Variants in PTPRD observed in about 807,000 individuals in gnomAD.
PTPRD encodes protein tyrosine phosphatase receptor type D, also known as receptor-type tyrosine-protein phosphatase delta.
A neutral mutation model predicts 214.5 loss-of-function variants in PTPRD; 34 were observed. The observed-to-expected ratio is 0.16, with a 90% CI of 0.12 to 0.21. The LOEUF is 0.21. PTPRD is among the 10% of genes least tolerant of loss of function. The pLI is 1.00. For synonymous variants in PTPRD, 1,128 were observed against 845.7 expected, an observed-to-expected ratio of 1.33 and a Z score of -5.79; for missense variants, 2,545 against 2,398.7, an observed-to-expected ratio of 1.06 and a Z score of -1.27.
At chr9:8,614,157 A>T (rs1047173239) in intron 14 of PTPRD, among the ~76,000 whole-genome samples, 10 of 152,166 alleles carry the variant, frequency 6.6e-5, no homozygotes, top group Admixed American at 6.6e-4. Flanking sequence ...AGGAGAAGCA[A>T]TGGTATTACA....
chr9:9,966,727 G>T (rs904431009), intron 4 of PTPRD, among the ~76,000 whole-genome samples: 3 of 152,010 alleles, frequency 2.0e-5, no homozygotes, highest in African/African-American at 7.2e-5. Flanking sequence ...ACACTCCTTC[G>T]GTCAGTGTTA....
chr9:8,498,566 A>T (rs930837881), intron 25 of PTPRD, among the ~76,000 whole-genome samples: 2 of 152,210 alleles, frequency 1.3e-5, no homozygotes, highest in African/African-American at 4.8e-5. Flanking sequence ...CTGGTGCCGC[A>T]GTTTTCAACT....
At chr9:9,980,863 C>A (rs1463842867) in intron 4 of PTPRD, among the ~76,000 whole-genome samples, 1 of 64,146 alleles carries the variant, frequency 1.6e-5, no homozygotes, top group African/African-American at 4.7e-5. Context: ...AGCTTGTTTG[C>A]AATAAAAAAT....
intron 11 of PTPRD, among the ~76,000 whole-genome samples, chr9:8,804,132 T>C (rs1305144784): frequency 1.3e-5 from 2 of 152,028 alleles, no homozygotes; most frequent in African/African-American, 4.8e-5. Context: ...TTTGTATTTT[T>C]AGTAGAGACA....
At chr9:9,549,520 C>T (rs951020092) in intron 8 of PTPRD, among the ~76,000 whole-genome samples, 1 of 152,112 alleles carries the variant, frequency 6.6e-6, no homozygotes, top group African/African-American at 2.4e-5. Flanking sequence ...AGACTGATCT[C>T]ATTAACTGCT....
At chr9:8,463,379 C>T (rs2096468504) in intron 32 of PTPRD, among the ~76,000 whole-genome samples, 1 of 135,190 alleles carries the variant, frequency 7.4e-6, no homozygotes, top group Non-Finnish European at 1.6e-5. Context: ...TGGCAAAGAA[C>T]TATATATCTA....
At chr9:9,263,484 C>A (rs1351965264) in intron 9 of PTPRD, among the ~76,000 whole-genome samples, 3 of 151,634 alleles carry the variant, frequency 2.0e-5, no homozygotes, top group African/African-American at 7.3e-5. Context: ...ATATTCCATT[C>A]CTGAATTACA....
intron 8 of PTPRD, among the ~76,000 whole-genome samples, chr9:9,544,060 C>G (rs1320893632): frequency 6.6e-6 from 1 of 151,512 alleles, no homozygotes; most frequent in East Asian, 1.9e-4. Context: ...TGCATCTAAG[C>G]TATTGCCCAT....
intron 3 of PTPRD, among the ~76,000 whole-genome samples, chr9:10,258,608 T>C (rs906171138): frequency 7.2e-5 from 11 of 152,242 alleles, no homozygotes; most frequent in African/African-American, 2.7e-4. Flanking sequence ...CCAACAATCA[T>C]CTGAATACTC....
intron 5 of PTPRD, among the ~76,000 whole-genome samples, chr9:9,803,527 G>A (rs1033383351): frequency 1.3e-5 from 2 of 151,828 alleles, no homozygotes; most frequent in South Asian, 4.1e-4. Flanking sequence ...ATCATGATGA[G>A]CATCCCAAAT....
intron 2 of PTPRD, among the ~76,000 whole-genome samples, chr9:10,391,384 C>T (rs1022787444): frequency 2.6e-5 from 4 of 151,388 alleles, no homozygotes; most frequent in South Asian, 2.1e-4. Context: ...AATGTTTTTC[C>T]GTTACATTCT....
intron 5 of PTPRD, among the ~76,000 whole-genome samples, chr9:9,917,862 A>C (rs923712493): frequency 1.3e-5 from 2 of 152,032 alleles, no homozygotes; most frequent in African/African-American, 4.8e-5. Flanking sequence ...CATACATTTG[A>C]CACTAACATC....
intron 9 of PTPRD, among the ~76,000 whole-genome samples, chr9:9,186,186 A>G (rs1473476490): frequency 6.6e-6 from 1 of 152,144 alleles, no homozygotes; most frequent in Non-Finnish European, 1.5e-5. Flanking sequence ...TCAAGAAGGC[A>G]GACCCTAGTG....
chr9:9,760,021 C>A (rs990433596), intron 6 of PTPRD, among the ~76,000 whole-genome samples: 6 of 152,126 alleles, frequency 3.9e-5, no homozygotes, highest in Non-Finnish European at 8.8e-5. Context: ...GCCTGCTTAA[C>A]TAGATTGCCA....
At chr9:9,675,329 A>G (rs1216863679) in intron 7 of PTPRD, among the ~76,000 whole-genome samples, 1 of 151,896 alleles carries the variant, frequency 6.6e-6, no homozygotes, top group Non-Finnish European at 1.5e-5. Flanking sequence ...TAATAAAAAT[A>G]TGAAGAATGC....
At chr9:8,469,495 C>A (rs115949315) in intron 31 of PTPRD, among the ~76,000 whole-genome samples, 1,934 of 151,946 alleles carry the variant, frequency 0.013, 36 homozygotes, top group African/African-American at 0.044. Flanking sequence ...CAGCTGAGAA[C>A]CAATTAAAAT....
chr9:9,571,283 C>G (rs2086303402), intron 8 of PTPRD, among the ~76,000 whole-genome samples: 1 of 150,950 alleles, frequency 6.6e-6, no homozygotes, highest in African/African-American at 2.4e-5. Flanking sequence ...AATTTTAAAA[C>G]AAACAAAAAA....
rs2098938076 is a variant in PTPRD at position 8,929,885 on chromosome 9, G to GTGTATATATATGTGTATATATGTA, written c.-104+88811_-104+88812insTACATATATACACATATATATACA. Among the ~76,000 whole-genome samples the GTGTATATATATGTGTATATATGTA allele has an allele frequency of 3.5e-5, 2 of 57,322 alleles. 1 individual carries two copies. The highest frequency in any genetic ancestry group is 7.3e-5 in the Non-Finnish European group (2 of 27,440). 37.6% of individuals were successfully genotyped at this position (57,322 alleles called of 152,430 possible). A position where few individuals can be genotyped will look rare whatever the true frequency, so the allele number is the denominator to read the frequency against. On this transcript the variant is annotated intron_variant, in intron 11 of 45. Transcript: ENST00000381196. ...TATATACATGTGTGTGTATATATGT[G>GTGTATATATATGTGTATATATGTA]TGTGTATATATATGTGTATATATAT... is the stretch of plus-strand genomic sequence containing the variant.
At chr9:9,067,767 C>A (rs73432207) in intron 10 of PTPRD, among the ~76,000 whole-genome samples, 1,646 of 152,080 alleles carry the variant, frequency 0.011, 35 homozygotes, top group African/African-American at 0.038. Flanking sequence ...ATCTCAGAAC[C>A]AGAATATTGA....
Sources: gnomAD v4.1 joint callset for allele counts (sites outside exome capture counted in the v4.1 genomes callset) on GRCh38, gnomAD v4.1.1 for gene constraint, MANE v1.5 for transcripts, NCBI Gene and HGNC (gene_info 2026-07-23, HGNC 2026-07-21) for gene names.